The following IKZF2 variants were observed in gnomAD, a reference collection of about 807,000 sequenced individuals.
The protein encoded by IKZF2 is zinc finger protein Helios.
IKZF2 carries 15 observed loss-of-function variants against 49.2 expected under a neutral mutation model. That is an observed-to-expected ratio of 0.30 (90% CI 0.20 to 0.47). The LOEUF is 0.47. IKZF2 is among the 20% of genes least tolerant of loss of function. The pLI is 1.00. For missense variants in IKZF2, 567 were observed against 664.6 expected (o/e 0.85, Z 1.61); for synonymous variants, 227 against 221.4 (o/e 1.03, Z -0.23).
At chr2:213,137,838 T>G (rs2060730095) in intron 4 of IKZF2, among the ~76,000 whole-genome samples, 1 of 152,122 alleles carries the variant, frequency 6.6e-6, no homozygotes, top group Admixed American at 6.5e-5. Flanking sequence ...AAATTCTCAC[T>G]GTTAATTCAA....
intron 6 of IKZF2, among the ~76,000 whole-genome samples, chr2:213,043,056 T>C (rs899758028): frequency 6.6e-6 from 1 of 151,940 alleles, no homozygotes; most frequent in Non-Finnish European, 1.5e-5. Flanking sequence ...AAATTCCAGA[T>C]AAATAACCTA....
At chr2:213,044,254 G>A (rs1699942010) in intron 6 of IKZF2, among the ~76,000 whole-genome samples, 1 of 152,148 alleles carries the variant, frequency 6.6e-6, no homozygotes, top group African/African-American at 2.4e-5. Context: ...GCTAGTAAAT[G>A]GCTTCCTACT....
At chr2:213,032,352 T>C (rs1698530711) in intron 6 of IKZF2, among the ~76,000 whole-genome samples, 1 of 152,216 alleles carries the variant, frequency 6.6e-6, no homozygotes, top group African/African-American at 2.4e-5. Flanking sequence ...GTTATGTTTA[T>C]ATCATACCAT....
intron 8 of IKZF2, 30 bp from the exon 9 acceptor site, chr2:213,008,114 A>AG (rs1382306958): frequency 1.2e-6 from 1 of 819,176 alleles, no homozygotes; most frequent in Non-Finnish European, 1.6e-6. Flanking sequence ...GAAAGAAGTA[A>AG]AAAAAAAAAA....
chr2:213,031,422 A>G (rs1309788971), intron 6 of IKZF2, among the ~76,000 whole-genome samples: 1 of 152,338 alleles, frequency 6.6e-6, no homozygotes, highest in Non-Finnish European at 1.5e-5. Context: ...TATGTATGGG[A>G]CCTTTAAAGT....
At chr2:213,057,611 G>A (rs1701287466) in intron 4 of IKZF2, among the ~76,000 whole-genome samples, 2 of 152,104 alleles carry the variant, frequency 1.3e-5, no homozygotes, top group South Asian at 4.1e-4. Context: ...TCCAGCAAAT[G>A]TCTTTGACAT....
intron 6 of IKZF2, among the ~76,000 whole-genome samples, chr2:213,025,666 T>G (rs1026514321): frequency 1.3e-5 from 2 of 152,130 alleles, no homozygotes; most frequent in Non-Finnish European, 2.9e-5. Flanking sequence ...TGCAACTGCC[T>G]TTTGAGTCTT....
At chr2:213,072,487 G>A (rs190971128) in intron 4 of IKZF2, among the ~76,000 whole-genome samples, 3 of 151,960 alleles carry the variant, frequency 2.0e-5, no homozygotes, top group East Asian at 1.9e-4. Context: ...TATCATTATC[G>A]CTCACTGGGT....
At chr2:213,029,767 G>A (rs1698205566) in intron 6 of IKZF2, among the ~76,000 whole-genome samples, 1 of 151,956 alleles carries the variant, frequency 6.6e-6, no homozygotes, top group Admixed American at 6.5e-5. Context: ...TTATTAAGTT[G>A]TTTGGACCTT....
At chr2:213,062,960 T>C (rs1235964320) in intron 4 of IKZF2, among the ~76,000 whole-genome samples, 1 of 152,042 alleles carries the variant, frequency 6.6e-6, no homozygotes, top group Non-Finnish European at 1.5e-5. Flanking sequence ...ACCAACAGTC[T>C]AAACAATTAA....
At chr2:213,116,217 A>T (rs923295200) in intron 4 of IKZF2, among the ~76,000 whole-genome samples, 3 of 152,242 alleles carry the variant, frequency 2.0e-5, no homozygotes, top group African/African-American at 7.2e-5. Context: ...GCTGTTAATA[A>T]TTATAATGTA....
At chr2:213,019,040 G>A (rs1421523374) in intron 7 of IKZF2, among the ~76,000 whole-genome samples, 1 of 151,988 alleles carries the variant, frequency 6.6e-6, no homozygotes, top group African/African-American at 2.4e-5. Context: ...TTAAAAGACT[G>A]GGTCCATTTA....
intron 6 of IKZF2, 26 bp from the exon 7 acceptor site, chr2:213,022,156 T>C (rs1697298751): frequency 1.3e-6 from 2 of 1,572,922 alleles, no homozygotes; most frequent in African/African-American, 2.7e-5. Flanking sequence ...AAGGTCAGTG[T>C]GCTGTTAGTC....
chr2:213,047,702 G>T (rs907905078), intron 6 of IKZF2, among the ~76,000 whole-genome samples: 3 of 152,084 alleles, frequency 2.0e-5, no homozygotes, highest in Non-Finnish European at 4.4e-5. Flanking sequence ...CTACCAGAAT[G>T]ATTTGGAGCT....
Position 213,022,001 on chromosome 2 carries a change from C to T in IKZF2, c.704G>A (p.Ser235Asn). The part of the protein sequence containing the change: ...VSMEAAGQVM[S>N]HHVPPMEDCK... ...ATCCAGTTTCTACCCACCATGGTGA[C>T]TCATGACCTGCCCAGCAGCCTCCAT... Residue 235 changes from serine (S) to asparagine (N), a missense_variant, in exon 7 of 9, where the codon AGT (serine) becomes AAT (asparagine). Coordinates refer to ENST00000434687, the MANE Select transcript of IKZF2 (RefSeq NM_001387220.1). 6.2e-7 allele frequency: 1 copy of T among 1,611,666 alleles called. No individual in the cohort carries two copies.
intron 4 of IKZF2, among the ~76,000 whole-genome samples, chr2:213,129,418 T>C (rs1353033716): frequency 6.7e-6 from 1 of 149,776 alleles, no homozygotes; most frequent in Non-Finnish European, 1.5e-5. Context: ...AGAAAACGTG[T>C]CCCAAACCAA....
Position 213,056,940 on chromosome 2 carries a change from T to C in IKZF2, c.299A>G (p.Gln100Arg). The C allele has an allele frequency of 6.2e-7, 1 of 1,613,796 alleles. No individual in the cohort carries two copies. Among genetic ancestry groups the C allele is most frequent in the Non-Finnish European group, 8.5e-7 (1 of 1,179,842 alleles). Residue 100 changes from glutamine (Q) to arginine (R), a missense_variant, in exon 5 of 9, where the codon CAA becomes CGA. Gln to Arg is a conservative substitution (Grantham distance 43). Around this residue, in one of 5 missense-constraint regions of IKZF2, gnomAD observed 156 missense variants for 138.5 expected, o/e 1.13. Coordinates refer to ENST00000434687, the MANE Select transcript of IKZF2 (RefSeq NM_001387220.1). ...CGGAAGCCGGATTCCTCCCTCGCCT[T>C]GAAGCTCCTGGACTTTCCTGTTGTC... The part of the protein sequence containing the change: ...VADNRKVQEL[Q>R]GEGGIRLPNG...
chr2:213,030,307 TA>T (rs1263774385), intron 6 of IKZF2, among the ~76,000 whole-genome samples: 2 of 152,164 alleles, frequency 1.3e-5, no homozygotes, highest in Non-Finnish European at 2.9e-5. Context: ...ACTCTAGGTT[TA>T]TTTTTTTAAT....
intron 4 of IKZF2, among the ~76,000 whole-genome samples, chr2:213,099,259 T>C (rs1400192919): frequency 2.6e-5 from 4 of 152,126 alleles, no homozygotes; most frequent in African/African-American, 9.7e-5. Context: ...GAAACAAATA[T>C]TGTAAATATT....
Sources: gnomAD v4.1 joint callset for allele counts (sites outside exome capture counted in the v4.1 genomes callset) on GRCh38, gnomAD v4.1.1 for gene constraint, gnomAD v4.1.1 regional missense constraint, MANE v1.5 for transcripts, NCBI Gene and HGNC (gene_info 2026-07-23, HGNC 2026-07-21) for gene names.